The following PLPPR5 variants were observed in gnomAD, a reference collection of about 807,000 sequenced individuals.
PLPPR5 encodes the protein phospholipid phosphatase related 5.
A neutral mutation model predicts 33.9 loss-of-function variants in PLPPR5; 16 were observed. The ratio of observed to expected loss-of-function variants is 0.47; its 90% confidence interval spans 0.32 to 0.72. The LOEUF (loss-of-function observed/expected upper bound fraction) is 0.72, where lower values mean the gene tolerates loss of function less well. PLPPR5 is among the 30% of genes least tolerant of loss of function. PLPPR5 has a pLI of 0.03. For synonymous variants in PLPPR5, 163 were observed against 150.3 expected, an observed-to-expected ratio of 1.08 and a Z score of -0.62; for missense variants, 301 against 406.7, an observed-to-expected ratio of 0.74 and a Z score of 2.23.
intron 1 of PLPPR5, among the ~76,000 whole-genome samples, chr1:98,992,953 T>C (rs1652500770): frequency 6.6e-6 from 1 of 152,124 alleles, no homozygotes; most frequent in South Asian, 2.1e-4. Flanking sequence ...ACTTCCTTTA[T>C]GTGGGGTCAT....
chr1:98,977,176 C>A (rs190024654), intron 1 of PLPPR5, among the ~76,000 whole-genome samples: 180 of 152,116 alleles, frequency 1.2e-3, no homozygotes, highest in Non-Finnish European at 2.3e-3. Flanking sequence ...CTCCACCAGG[C>A]AACTGGGCAT....
chr1:98,937,941 CT>C (rs1650233173), intron 3 of PLPPR5, among the ~76,000 whole-genome samples: 1 of 152,098 alleles, frequency 6.6e-6, no homozygotes, highest in Non-Finnish European at 1.5e-5. Context: ...GTTACATAAT[CT>C]GTAATAAATA....
intron 1 of PLPPR5, among the ~76,000 whole-genome samples, chr1:98,957,654 G>A (rs982723618): frequency 6.6e-6 from 1 of 152,034 alleles, no homozygotes; most frequent in Non-Finnish European, 1.5e-5. Context: ...TTGACTTTGA[G>A]AGCCTCCTGT....
At chr1:98,945,359 A>G (rs1650512988) in intron 3 of PLPPR5, among the ~76,000 whole-genome samples, 1 of 152,222 alleles carries the variant, frequency 6.6e-6, no homozygotes, top group Non-Finnish European at 1.5e-5. Context: ...GTTTTCAACT[A>G]TCTTCCTAAT....
intron 1 of PLPPR5, among the ~76,000 whole-genome samples, chr1:98,988,089 A>C (rs1652321094): frequency 6.6e-6 from 1 of 152,096 alleles, no homozygotes; most frequent in Non-Finnish European, 1.5e-5. Flanking sequence ...ATATTACCAA[A>C]ACTTTGACTG....
intron 5 of PLPPR5, among the ~76,000 whole-genome samples, chr1:98,898,070 CCAAA>C (rs1648547860): frequency 1.3e-5 from 2 of 152,026 alleles, no homozygotes; most frequent in Non-Finnish European, 2.9e-5. Context: ...ATGCTCATAT[CCAAA>C]CAAAGTTTAA....
At chr1:98,977,977 C>T (rs1318675936) in intron 1 of PLPPR5, among the ~76,000 whole-genome samples, 1 of 151,896 alleles carries the variant, frequency 6.6e-6, no homozygotes, top group Non-Finnish European at 1.5e-5. Flanking sequence ...AATCAAACTA[C>T]CTCTGGTGGT....
At chr1:98,992,432 A>C (rs1357713209) in intron 1 of PLPPR5, among the ~76,000 whole-genome samples, 2 of 152,206 alleles carry the variant, frequency 1.3e-5, no homozygotes, top group Non-Finnish European at 2.9e-5. Flanking sequence ...TTGCCAAACT[A>C]ATGACTATGT....
At chr1:98,956,457 T>G (rs1433950625) in intron 2 of PLPPR5, 152 bp downstream of exon 2, 3 of 691,372 alleles carry the variant, frequency 4.3e-6, no homozygotes, top group African/African-American at 3.8e-5. Context: ...ACCCAAGCAG[T>G]GTGTAATGTT....
At chr1:98,943,541 A>G (rs918472866) in intron 3 of PLPPR5, among the ~76,000 whole-genome samples, 39 of 152,346 alleles carry the variant, frequency 2.6e-4, no homozygotes, top group African/African-American at 8.9e-4. Flanking sequence ...AAGTGGATCT[A>G]TTAAGTCTCT....
chr1:98,928,450 G>A (rs903935985), intron 3 of PLPPR5, among the ~76,000 whole-genome samples: 6 of 150,058 alleles, frequency 4.0e-5, no homozygotes, highest in Non-Finnish European at 5.9e-5. Context: ...ATTGATACAC[G>A]TTGAAATGGT....
Position 98,983,946 on chromosome 1 carries a change from C to CTT in PLPPR5, c.237+20487_237+20488dup, listed in dbSNP as rs113661489. ...CCACTTTTTGATGGGTTGTTTTTTT[C>CTT]TTTTTTTTTTTTTGAAATTCACATG... On this transcript the variant is annotated intron_variant, in intron 1 of 5. Transcript: ENST00000263177. Among the ~76,000 whole-genome samples the CTT allele has an allele frequency of 8.7e-3, 1,240 of 141,852 alleles. 23 individuals carry two copies. The highest frequency in any genetic ancestry group is 0.03 in the African/African-American group (1,148 of 38,770). 93.1% of individuals were successfully genotyped at this position (141,852 alleles called of 152,430 possible).
At chr1:98,958,206 CTGGGGAAATGCTTT>C (rs1441789111) in intron 1 of PLPPR5, among the ~76,000 whole-genome samples, 4 of 152,148 alleles carry the variant, frequency 2.6e-5, no homozygotes, top group Non-Finnish European at 5.9e-5. Context: ...CTGACATTCC[CTGGGGAAATGCTTT>C]TGGGATCTCT....
intron 1 of PLPPR5, among the ~76,000 whole-genome samples, chr1:98,975,832 G>GTGAA (rs1651828212): frequency 1.3e-5 from 2 of 151,958 alleles, no homozygotes; most frequent in African/African-American, 4.8e-5. Context: ...GAGGGTAGTG[G>GTGAA]TGAACAACAT....
intron 5 of PLPPR5, among the ~76,000 whole-genome samples, chr1:98,906,668 T>C (rs867890074): frequency 6.6e-6 from 1 of 152,132 alleles, no homozygotes; most frequent in Non-Finnish European, 1.5e-5. Context: ...CTGGGAACAA[T>C]ACTACTACCT....
At chr1:98,961,527 G>A (rs1651250523) in intron 1 of PLPPR5, among the ~76,000 whole-genome samples, 1 of 152,158 alleles carries the variant, frequency 6.6e-6, no homozygotes, top group South Asian at 2.1e-4. Flanking sequence ...CAATAGCAAT[G>A]TCGCTATTAA....
At chr1:98,905,603 T>C (rs1045706139) in intron 5 of PLPPR5, among the ~76,000 whole-genome samples, 22 of 152,172 alleles carry the variant, frequency 1.4e-4, no homozygotes, top group Admixed American at 9.8e-4. Context: ...CATTTTGTCA[T>C]CTTAGATAAT....
chr1:98,942,875 A>G (rs72730341), intron 3 of PLPPR5, among the ~76,000 whole-genome samples: 24,028 of 152,112 alleles, frequency 0.16, 2,426 homozygotes, highest in Non-Finnish European at 0.22. Flanking sequence ...GTTCAGTGAT[A>G]CCTTTCCTCT....
intron 3 of PLPPR5, among the ~76,000 whole-genome samples, chr1:98,950,122 G>C (rs1370116469): frequency 6.6e-6 from 1 of 152,182 alleles, no homozygotes; most frequent in Non-Finnish European, 1.5e-5. Context: ...GGAACATTCA[G>C]AAACATCGCC....
Sources: allele counts gnomAD v4.1 joint callset (sites outside exome capture counted in the v4.1 genomes callset), GRCh38; gene constraint gnomAD v4.1.1; transcripts MANE v1.5; gene names NCBI Gene and HGNC (gene_info 2026-07-23, HGNC 2026-07-21).